DAB1: variants seen among roughly 807,000 people sequenced by gnomAD.
The protein encoded by DAB1 is disabled homolog 1.
DAB1 carries 15 observed loss-of-function variants against 64.6 expected under a neutral mutation model. That is an observed-to-expected ratio of 0.23 (90% CI 0.16 to 0.36). DAB1 has a LOEUF of 0.36. Ranked by LOEUF, DAB1 falls within the 10% of genes least tolerant of loss-of-function variation. The probability of loss-of-function intolerance (pLI) is 1.00; values close to 1 mark genes in which losing one functional copy is unlikely to be tolerated. For synonymous variants in DAB1, 235 were observed against 251.9 expected, an observed-to-expected ratio of 0.93 and a Z score of 0.64; for missense variants, 596 against 706.7, an observed-to-expected ratio of 0.84 and a Z score of 1.78.
At position 58,025,237 on chromosome 1, in the gene DAB1, G is replaced by A. The variant is rs141684564; in HGVS notation, n.387+125274C>T. ...TAACTCTCTAAATACAATATCTTATGTTGCTGGAAGTGTTTTCGTGGTCAT... is the reference window on the plus strand; with the variant it reads ...TAACTCTCTAAATACAATATCTTATATTGCTGGAAGTGTTTTCGTGGTCAT... On this transcript the variant is annotated intron_variant and non_coding_transcript_variant, in intron 5 of 20. Transcript: ENST00000485760. 2.8e-3 allele frequency among the ~76,000 whole-genome samples: 425 copies of A among 152,034 alleles called. 1 individual carries two copies. The highest frequency in any genetic ancestry group is 9.5e-3 in the African/African-American group (396 of 41,472).
chr1:58,462,059 AG>A (rs1240903164), intron 3 of DAB1, among the ~76,000 whole-genome samples: 1 of 149,982 alleles, frequency 6.7e-6, no homozygotes, highest in Non-Finnish European at 1.5e-5. Flanking sequence ...CCAAGGACTC[AG>A]GGGGGTAATT....
At chr1:57,704,136 T>C (rs891344420) in intron 6 of DAB1, among the ~76,000 whole-genome samples, 2 of 152,142 alleles carry the variant, frequency 1.3e-5, no homozygotes, top group Admixed American at 6.6e-5. Flanking sequence ...CAAACCCCCA[T>C]GACAAAAGTG....
At chr1:57,254,499 C>T (rs758174422) in intron 2 of DAB1, among the ~76,000 whole-genome samples, 58 of 152,232 alleles carry the variant, frequency 3.8e-4, no homozygotes, top group Non-Finnish European at 7.2e-4. Flanking sequence ...TAAGTATACA[C>T]GAAACAACAG....
chr1:58,060,505 A>G lies in DAB1; in HGVS notation n.387+90006T>C, dbSNP rs949603730. On this transcript the variant is annotated intron_variant and non_coding_transcript_variant, in intron 5 of 20. Coordinates refer to the DAB1 transcript ENST00000485760. ...CATCTGCTCCCCAGAGTAAAGAGCG[A>G]CTGGTGAAAGCCACCTCACAGGGTA... 2.0e-5 allele frequency among the ~76,000 whole-genome samples: 3 copies of G among 152,222 alleles called. No homozygotes were observed. The East Asian group carries it at 5.8e-4, about 29-fold the overall frequency.
chr1:58,302,926 G>A (rs901918404), intron 4 of DAB1, among the ~76,000 whole-genome samples: 2 of 152,034 alleles, frequency 1.3e-5, no homozygotes, highest in African/African-American at 4.8e-5. Flanking sequence ...AGTTTTTTAT[G>A]TGTTATGCCA....
chr1:57,553,466 G>GGAA, intron 7 of DAB1, among the ~76,000 whole-genome samples: 1 of 18,382 alleles, frequency 5.4e-5, no homozygotes, highest in African/African-American at 1.0e-4. Flanking sequence ...GAAAGAGAAA[G>GGAA]GGAAAGAAAG....
intron 2 of DAB1, among the ~76,000 whole-genome samples, chr1:57,168,492 C>T (rs1174491442): frequency 6.6e-6 from 1 of 152,174 alleles, no homozygotes; most frequent in Admixed American, 6.6e-5. Flanking sequence ...TATGTCTTCA[C>T]ATCTGTGAAT....
intron 4 of DAB1, among the ~76,000 whole-genome samples, chr1:58,251,881 T>C (rs1660808129): frequency 6.6e-6 from 1 of 152,060 alleles, no homozygotes; most frequent in African/African-American, 2.4e-5. Flanking sequence ...AATCAGAGTG[T>C]CCCACAGTGC....
At chr1:57,240,303 C>A (rs1412495911) in intron 2 of DAB1, among the ~76,000 whole-genome samples, 3 of 152,084 alleles carry the variant, frequency 2.0e-5, no homozygotes, top group African/African-American at 7.2e-5. Flanking sequence ...TTTCAGAAAA[C>A]AAATAATAAT....
intron 3 of DAB1, among the ~76,000 whole-genome samples, chr1:58,375,077 T>G (rs1039681705): frequency 1.6e-4 from 23 of 143,342 alleles, no homozygotes; most frequent in Non-Finnish European, 3.1e-4. Context: ...AAGGAGATTT[T>G]GGGCTGAGAC....
intron 1 of DAB1, among the ~76,000 whole-genome samples, chr1:58,535,832 T>C (rs1014379037): frequency 3.9e-5 from 6 of 152,062 alleles, no homozygotes; most frequent in African/African-American, 1.4e-4. Context: ...TAAATTTGGA[T>C]TCAAAAAATA....
intron 1 of DAB1, among the ~76,000 whole-genome samples, chr1:57,877,371 GT>G (rs1382690681): frequency 6.6e-6 from 1 of 152,066 alleles, no homozygotes; most frequent in Non-Finnish European, 1.5e-5. Flanking sequence ...GATACACTCT[GT>G]TCCCCACCCT....
chr1:57,767,236 A>G (rs1208663180), intron 6 of DAB1, among the ~76,000 whole-genome samples: 1 of 152,076 alleles, frequency 6.6e-6, no homozygotes, highest in East Asian at 1.9e-4. Flanking sequence ...CATCTTGAAG[A>G]TATCTAGGGG....
chr1:57,277,991 A>C (rs969871723), intron 2 of DAB1, among the ~76,000 whole-genome samples: 3 of 152,162 alleles, frequency 2.0e-5, no homozygotes, highest in African/African-American at 4.8e-5. Context: ...AAATTTAAGG[A>C]ATGTGAATCT....
chr1:58,284,911 T>C (rs1255606350), intron 4 of DAB1, among the ~76,000 whole-genome samples: 1 of 152,210 alleles, frequency 6.6e-6, no homozygotes, highest in Non-Finnish European at 1.5e-5. Context: ...CAGAGCATCT[T>C]CTGCTTACAC....
rs1658533313 is a variant in DAB1 at position 58,211,183 on chromosome 1, C to T, written n.310-60595G>A. On this transcript the variant is annotated intron_variant and non_coding_transcript_variant, in intron 4 of 20. Transcript: ENST00000485760. The stretch of plus-strand genomic sequence containing the variant: ...ATCCTTGTAAAAATGTCTTAAGAGC[C>T]ATCTCTACATCAAGATTTATCTTGA... Among the ~76,000 whole-genome samples, 2 of 152,102 alleles carry T rather than the reference C, an allele frequency of 1.3e-5. 1 individual carries two copies. The highest frequency in any genetic ancestry group is 4.1e-4 in the South Asian group (2 of 4,820).
intron 1 of DAB1, among the ~76,000 whole-genome samples, chr1:57,339,161 AT>A (rs34369901): frequency 2.6e-4 from 36 of 140,570 alleles, no homozygotes; most frequent in South Asian, 6.8e-4. Flanking sequence ...ATTAATTATT[AT>A]TTTTTTTTTT....
intron 1 of DAB1, among the ~76,000 whole-genome samples, chr1:57,339,339 G>T (rs1301268836): frequency 6.6e-6 from 1 of 152,014 alleles, no homozygotes; most frequent in Non-Finnish European, 1.5e-5. Flanking sequence ...TGTATTTTTA[G>T]TAGAGATGGG....
chr1:57,470,861 C>T (rs1181957547), intron 7 of DAB1, among the ~76,000 whole-genome samples: 1 of 152,152 alleles, frequency 6.6e-6, no homozygotes, highest in Non-Finnish European at 1.5e-5. Context: ...AGATATTTCT[C>T]CCAACAAGGC....
Sources: gnomAD v4.1 joint callset for allele counts (sites outside exome capture counted in the v4.1 genomes callset) on GRCh38, gnomAD v4.1.1 for gene constraint, MANE v1.5 for transcripts, NCBI Gene and HGNC (gene_info 2026-07-23, HGNC 2026-07-21) for gene names.